The following COL5A2 variants were observed in gnomAD, a reference collection of about 807,000 sequenced individuals.
COL5A2 encodes collagen alpha-2(V) chain.
COL5A2 carries 23 observed loss-of-function variants against 208.2 expected under a neutral mutation model. That is an observed-to-expected ratio of 0.11 (90% CI 0.08 to 0.16). The LOEUF (loss-of-function observed/expected upper bound fraction) is 0.16. Ranked by LOEUF, COL5A2 falls within the 10% of genes least tolerant of loss-of-function variation. COL5A2 has a pLI of 1.00. For synonymous variants in COL5A2, 625 were observed against 628.5 expected, an observed-to-expected ratio of 0.99 and a Z score of 0.08; for missense variants, 1,590 against 1,956.4, an observed-to-expected ratio of 0.81 and a Z score of 3.53.
the COL5A2 span, among the ~76,000 whole-genome samples, chr2:189,317,892 A>C: frequency 6.6e-6 from 1 of 152,226 alleles, no homozygotes; most frequent in African/African-American, 2.4e-5. Context: ...ATTCAAAATT[A>C]TTTGACTGAC....
the COL5A2 span, among the ~76,000 whole-genome samples, chr2:189,320,408 A>C: frequency 6.6e-6 from 1 of 152,228 alleles, no homozygotes; most frequent in Non-Finnish European, 1.5e-5. Context: ...AAAGAAGTTA[A>C]AAACCTTGAA....
chr2:189,076,550 TG>T (rs1686409205), intron 16 of COL5A2, among the ~76,000 whole-genome samples: 1 of 152,206 alleles, frequency 6.6e-6, no homozygotes, highest in Non-Finnish European at 1.5e-5. Flanking sequence ...AAAAGGCTGA[TG>T]GTGATAAATC....
At chr2:189,060,939 G>A (rs1686017617) in intron 30 of COL5A2, among the ~76,000 whole-genome samples, 156 bp from the exon 31 acceptor site, 1 of 151,876 alleles carries the variant, frequency 6.6e-6, no homozygotes, top group African/African-American at 2.4e-5. Flanking sequence ...ATATTGTTCA[G>A]AAGCATTAAA....
At chr2:189,347,291 T>C in the COL5A2 span, among the ~76,000 whole-genome samples, 5 of 152,080 alleles carry the variant, frequency 3.3e-5, no homozygotes, top group Non-Finnish European at 5.9e-5. Flanking sequence ...ATGAGAATTA[T>C]GGGGACGCTT....
At chr2:189,154,204 A>G (rs535860127) in intron 1 of COL5A2, among the ~76,000 whole-genome samples, 1 of 152,298 alleles carries the variant, frequency 6.6e-6, no homozygotes, top group Non-Finnish European at 1.5e-5. Context: ...CAGAAACTCT[A>G]TTTTTTATTC....
chr2:189,228,123 A>C (rs1302772479), upstream of COL5A2, among the ~76,000 whole-genome samples: 1 of 152,026 alleles, frequency 6.6e-6, no homozygotes, highest in Admixed American at 6.6e-5. Flanking sequence ...ACATATAAAA[A>C]TGAAAACACA....
intron 1 of COL5A2, among the ~76,000 whole-genome samples, chr2:189,185,780 C>T (rs1398586977): frequency 2.0e-5 from 3 of 152,166 alleles, no homozygotes; most frequent in African/African-American, 7.2e-5. Context: ...CCTGAACATA[C>T]ATTGTTTGAT....
the COL5A2 span, among the ~76,000 whole-genome samples, chr2:189,392,813 T>C: frequency 1.3e-5 from 2 of 152,178 alleles, no homozygotes; most frequent in Non-Finnish European, 2.9e-5. Context: ...CCTAGAAGCC[T>C]TGTTAAGGAT....
chr2:189,296,058 T>G, the COL5A2 span, among the ~76,000 whole-genome samples: 1 of 152,108 alleles, frequency 6.6e-6, no homozygotes, highest in Non-Finnish European at 1.5e-5. Flanking sequence ...TTCAGCCTCA[T>G]TCTCTTCTCT....
rs751819198 is a variant in COL5A2, at chr2:189,085,208, C to T, written c.750G>A (p.Pro250=). 4.0e-5 allele frequency: 64 copies of T among 1,610,188 alleles called. No homozygotes were observed. In the Admixed American group the frequency reaches 8.9e-4, roughly 22 times the overall value. ...GGCCCTCTGGTCCACGTGAACCAAT[C>T]GGACCCTAATAACAGAACAAAACAA... ...GEPGDPGPMG[P]IGSRGPEGPP... Residue 250 remains proline (P), a synonymous_variant, in exon 11 of 54, where the codon CCG becomes CCA. Coordinates refer to ENST00000374866, the MANE Select transcript of COL5A2 (RefSeq NM_000393.5).
chr2:189,138,716 T>C (rs755378116), intron 1 of COL5A2, among the ~76,000 whole-genome samples: 1 of 151,848 alleles, frequency 6.6e-6, no homozygotes, highest in Admixed American at 6.6e-5. Flanking sequence ...AGTAAAAAAG[T>C]ACATACACAC....
At chr2:189,062,798 C>T in intron 29 of COL5A2, 67 bp downstream of exon 29, 1 of 1,586,172 alleles carries the variant, frequency 6.3e-7, no homozygotes, top group Admixed American at 1.7e-5. Context: ...CTTGAACAAA[C>T]ATCATCGAAA....
intron 3 of COL5A2, 118 bp from the exon 4 acceptor site, chr2:189,100,257 C>A: frequency 5.5e-6 from 4 of 727,564 alleles, no homozygotes; most frequent in Admixed American, 4.8e-5. Context: ...GTAAGAAATG[C>A]AAAAAACTAC....
rs77942168 is a variant in COL5A2, at chr2:189,201,774, C to T, written c.-42+23374G>A. ...CAACATATAAGCTAAGAGCTAATTT[C>T]TCAACAACAATAAAAATCAGAAGGC... is the stretch of plus-strand genomic sequence containing the variant. On this transcript the variant is annotated intron_variant, in intron 1 of 10. Coordinates refer to the COL5A2 transcript ENST00000649966. Among the ~76,000 whole-genome samples, 77 of 151,848 alleles carry T rather than the reference C, an allele frequency of 5.1e-4. No individual in the cohort carries two copies. In the East Asian group the frequency reaches 0.014, roughly 28 times the overall value.
chr2:189,253,274 G>T, the COL5A2 span, among the ~76,000 whole-genome samples: 2 of 152,180 alleles, frequency 1.3e-5, no homozygotes, highest in Admixed American at 6.5e-5. Flanking sequence ...GAATCAGACT[G>T]CCCTTGTCTC....
At chr2:189,323,006 C>G in the COL5A2 span, among the ~76,000 whole-genome samples, 1 of 143,156 alleles carries the variant, frequency 7.0e-6, no homozygotes, top group African/African-American at 2.5e-5. Context: ...GGGATGCAAG[C>G]TGGTTCAACA....
intron 6 of COL5A2, among the ~76,000 whole-genome samples, chr2:189,094,289 GT>G (rs1435850203): frequency 6.6e-6 from 1 of 151,996 alleles, no homozygotes; most frequent in Non-Finnish European, 1.5e-5. Context: ...ACACAAGAAT[GT>G]TTACCGGTAA....
In COL5A2 at chr2:189,041,682, G is replaced by T; in HGVS notation, c.3537C>A (p.Gly1179=). 3 of 1,613,668 alleles carry T rather than the reference G, an allele frequency of 1.9e-6. No individual in the cohort carries two copies. The highest frequency in any genetic ancestry group is 2.5e-6 in the Non-Finnish European group (3 of 1,179,586). ...PGPFGPRGPP[G]PVGPSGKEGN... is the part of the protein sequence containing the mutation. ...CTTCTTTACCTGAAGGACCAACTGG[G>T]CCTGGAGGACCCTGCAAGAAACAAA... is the stretch of plus-strand genomic sequence containing the variant. Residue 1179 remains glycine, a synonymous_variant, in exon 50 of 54, where the codon GGC becomes GGA. Coordinates refer to ENST00000374866, the MANE Select transcript of COL5A2 (RefSeq NM_000393.5).
intron 1 of COL5A2, among the ~76,000 whole-genome samples, chr2:189,206,071 G>C (rs1689139945): frequency 6.6e-6 from 1 of 152,194 alleles, no homozygotes; most frequent in Non-Finnish European, 1.5e-5. Context: ...GAGTAAAGGA[G>C]CTAAGTAGGG....
Sources: gnomAD v4.1 joint callset for allele counts (sites outside exome capture counted in the v4.1 genomes callset) on GRCh38, gnomAD v4.1.1 for gene constraint, MANE v1.5 for transcripts, NCBI Gene and HGNC (gene_info 2026-07-23, HGNC 2026-07-21) for gene names.